RFTN1: variants seen among roughly 807,000 people sequenced by gnomAD.
RFTN1 encodes the protein raftlin, lipid raft linker 1, also known as raftlin.
Under a neutral mutation model 46.5 loss-of-function variants are expected in RFTN1, and 26 were observed. The observed-to-expected ratio is 0.56, with a 90% confidence interval of 0.41 to 0.78. The LOEUF (loss-of-function observed/expected upper bound fraction) is 0.78. Among genes scored for constraint, RFTN1 ranks in the 30% least tolerant of loss-of-function variants. The pLI is 0.00. For missense variants in RFTN1, 693 were observed against 718.7 expected, an observed-to-expected ratio of 0.96 and a Z score of 0.41; for synonymous variants, 261 against 284.2, an observed-to-expected ratio of 0.92 and a Z score of 0.82.
At chr3:16,367,402 C>G (rs1356289164) in intron 6 of RFTN1, among the ~76,000 whole-genome samples, 1 of 152,198 alleles carries the variant, frequency 6.6e-6, no homozygotes, top group Non-Finnish European at 1.5e-5. Flanking sequence ...CCCAGTCATA[C>G]TCTCCCTCCC....
In RFTN1 at chr3:16,479,776, T is replaced by C. The variant is rs1033120884; in HGVS notation, c.145+13949A>G. 6.6e-6 allele frequency among the ~76,000 whole-genome samples: 1 copy of C among 152,198 alleles called. No individual in the cohort carries two copies. The highest frequency in any genetic ancestry group is 1.5e-5 in the Non-Finnish European group (1 of 68,038). On this transcript the variant is annotated intron_variant, in intron 2 of 9. Transcript: ENST00000334133. The surrounding 1 kb of genome is among the most constrained non-coding windows in gnomAD (Gnocchi z 5.1). ...TCCAAGCTGCAGTTTGGTTGGTGGG[T>C]CCAAAGATTAGATTTGGTTTAGGAT...
rs2076499057 is a variant in RFTN1, at chr3:16,489,102, A to G, written c.145+4623T>C. Among the ~76,000 whole-genome samples the G allele has an allele frequency of 6.6e-6, 1 of 152,196 alleles. No individual in the cohort carries two copies. Among genetic ancestry groups the G allele is most frequent in the Non-Finnish European group, 1.5e-5 (1 of 68,030 alleles). On this transcript the variant is annotated intron_variant, in intron 2 of 9. Coordinates refer to ENST00000334133, the MANE Select transcript of RFTN1 (RefSeq NM_015150.2). The surrounding 1 kb of genome is among the most constrained non-coding windows in gnomAD (Gnocchi z 4.0). ...GAGTACGTACTATTTGATTCCATTT[A>G]TATAACATCCTGGGAAATAAAATCA...
chr3:16,425,283 A>G lies in RFTN1; in HGVS notation c.332+8568T>C, dbSNP rs1481325349. The stretch of plus-strand genomic sequence containing the variant: ...GGAAGAGGGGGCCTCTATTTTATTT[A>G]AAAACAAATACAGACATTTCATGGT... On this transcript the variant is annotated intron_variant, in intron 3 of 9. Coordinates refer to ENST00000334133, the MANE Select transcript of RFTN1 (RefSeq NM_015150.2). The surrounding 1 kb of genome is among the most constrained non-coding windows in gnomAD (Gnocchi z 4.3). Among the ~76,000 whole-genome samples the G allele has an allele frequency of 1.3e-5, 2 of 152,182 alleles. No individual in the cohort carries two copies. Among genetic ancestry groups the G allele is most frequent in the Non-Finnish European group, 2.9e-5 (2 of 68,026 alleles).
At chr3:16,464,571 A>T (rs1297451418) in intron 2 of RFTN1, among the ~76,000 whole-genome samples, 1 of 152,176 alleles carries the variant, frequency 6.6e-6, no homozygotes, top group Non-Finnish European at 1.5e-5. Context: ...CCCCATATAA[A>T]CTAATAATAA....
rs1324267906 is a variant in RFTN1 at position 16,472,384 on chromosome 3, A to G, written c.145+21341T>C. 3 of 152,356 alleles carry G rather than the reference A, an allele frequency of 2.0e-5. No homozygotes were observed. In the East Asian group the frequency reaches 5.8e-4, roughly 29 times the overall value. The allele number at this position is 152,356 out of a possible 1,614,324, so 9.4% of individuals were successfully genotyped here. A position where few individuals can be genotyped will look rare whatever the true frequency, so the allele number is the denominator to read the frequency against. ...CACTAACTGCAAAGAAGAAACAGAG[A>G]TCATCCAAATAGGCAGATCCAAACC... is the stretch of plus-strand genomic sequence containing the variant. On this transcript the variant is annotated intron_variant, in intron 2 of 9. Coordinates refer to ENST00000334133, the MANE Select transcript of RFTN1 (RefSeq NM_015150.2).
At chr3:16,319,452 TACCTCCAGGGCTGCGGTGCAC>T (rs1157099115) in intron 9 of RFTN1, among the ~76,000 whole-genome samples, 1 of 152,262 alleles carries the variant, frequency 6.6e-6, no homozygotes, top group South Asian at 2.1e-4. Flanking sequence ...TGGTTGTCTC[TACCTCCAGGGCTGCGGTGCAC>T]ACCTCCAGGG....
chr3:16,340,521 A>T (rs1355952074), intron 7 of RFTN1, among the ~76,000 whole-genome samples: 1 of 152,268 alleles, frequency 6.6e-6, no homozygotes, highest in East Asian at 1.9e-4. Flanking sequence ...CTAAAGAATC[A>T]TGAGCTAATA....
intron 6 of RFTN1, among the ~76,000 whole-genome samples, chr3:16,367,580 G>A (rs550837360): frequency 3.0e-4 from 45 of 147,564 alleles, no homozygotes; most frequent in Non-Finnish European, 1.2e-4. Context: ...AGGACTTCAC[G>A]GTTGCGCTTG....
intron 7 of RFTN1, among the ~76,000 whole-genome samples, chr3:16,332,461 T>A (rs974003529): frequency 6.6e-6 from 1 of 152,108 alleles, no homozygotes; most frequent in African/African-American, 2.4e-5. Context: ...ATGGATACAT[T>A]TATTTTATCT....
At chr3:16,347,318 A>G (rs1350280176) in intron 7 of RFTN1, among the ~76,000 whole-genome samples, 1 of 152,250 alleles carries the variant, frequency 6.6e-6, no homozygotes, top group Admixed American at 6.5e-5. Context: ...GCTATAACAA[A>G]TGACCACAAA....
rs1459087827 is a variant in RFTN1 at position 16,443,050 on chromosome 3, C to CT, written c.146-9014dup. Among the ~76,000 whole-genome samples, 1 of 152,178 alleles carries CT rather than the reference C, an allele frequency of 6.6e-6. No homozygotes were observed. The highest frequency in any genetic ancestry group is 1.5e-5 in the Non-Finnish European group (1 of 68,022). ...AATGCTGCATGGAGTGCAGATATCT[C>CT]TTCAACATACTGATTTCATTTCCTT... On this transcript the variant is annotated intron_variant, in intron 2 of 9. Coordinates refer to ENST00000334133, the MANE Select transcript of RFTN1 (RefSeq NM_015150.2). The surrounding 1 kb of genome is among the most constrained non-coding windows in gnomAD (Gnocchi z 5.5).
intron 3 of RFTN1, among the ~76,000 whole-genome samples, chr3:16,415,050 G>A (rs73043124): frequency 0.27 from 40,486 of 152,056 alleles, 6,068 homozygotes; most frequent in Non-Finnish European, 0.33. Context: ...CTGGCTGTAA[G>A]GGGCAGCCAG....
At position 16,458,828 on chromosome 3, in the gene RFTN1, T is replaced by G. The variant is rs959182992; in HGVS notation, c.146-24791A>C. On this transcript the variant is annotated intron_variant, in intron 2 of 9. Transcript: ENST00000334133. The surrounding 1 kb of genome is among the most constrained non-coding windows in gnomAD (Gnocchi z 5.1). ...CACATTTATAATGAATCTGTCCATC[T>G]GTTTTTCTAGCAGATTAGAAGTACA... 6.6e-5 allele frequency among the ~76,000 whole-genome samples: 10 copies of G among 152,238 alleles called. No homozygotes were observed. The highest frequency in any genetic ancestry group is 7.3e-5 in the Non-Finnish European group (5 of 68,042).
intron 4 of RFTN1, among the ~76,000 whole-genome samples, chr3:16,401,524 C>A (rs1487154884): frequency 6.6e-6 from 1 of 152,178 alleles, no homozygotes; most frequent in Non-Finnish European, 1.5e-5. Flanking sequence ...CTCCTCCCAG[C>A]TTTTGATACT....
At chr3:16,332,658 C>T (rs2070440848) in intron 7 of RFTN1, among the ~76,000 whole-genome samples, 1 of 152,172 alleles carries the variant, frequency 6.6e-6, no homozygotes, top group Non-Finnish European at 1.5e-5. Context: ...AAAACCAAAG[C>T]TTTTCTTGGG....
At chr3:16,362,875 A>G (rs1413804315) in intron 6 of RFTN1, among the ~76,000 whole-genome samples, 2 of 152,090 alleles carry the variant, frequency 1.3e-5, no homozygotes, top group Non-Finnish European at 2.9e-5. Context: ...CTTTTTCTCC[A>G]TCCCCTGCTG....
intron 2 of RFTN1, among the ~76,000 whole-genome samples, chr3:16,471,047 T>C (rs1575338639): frequency 6.6e-6 from 1 of 152,108 alleles, no homozygotes; most frequent in African/African-American, 2.4e-5. Flanking sequence ...AAAATAAAAA[T>C]AGAAGTGGTC....
intron 4 of RFTN1, among the ~76,000 whole-genome samples, chr3:16,388,358 A>G (rs1374339527): frequency 6.6e-6 from 1 of 152,224 alleles, no homozygotes. Flanking sequence ...TTGGGCATTT[A>G]TTAAAGGAAT....
chr3:16,355,966 G>A (rs952935559), intron 7 of RFTN1, among the ~76,000 whole-genome samples: 1 of 152,120 alleles, frequency 6.6e-6, no homozygotes, highest in Non-Finnish European at 1.5e-5. Context: ...CCAATCACTC[G>A]GCACAGGCAC....
Sources: allele counts gnomAD v4.1 joint callset (sites outside exome capture counted in the v4.1 genomes callset), GRCh38; gene constraint gnomAD v4.1.1; non-coding constraint Gnocchi (gnomAD v3.1); transcripts MANE v1.5; gene names NCBI Gene and HGNC (gene_info 2026-07-23, HGNC 2026-07-21).